The following THADA variants were observed in gnomAD, a reference collection of about 807,000 sequenced individuals.
The protein encoded by THADA is tRNA (32-2'-O)-methyltransferase regulator THADA.
THADA carries 213 observed loss-of-function variants against 219.8 expected under a neutral mutation model. The ratio of observed to expected loss-of-function variants is 0.97; its 90% confidence interval spans 0.87 to 1.09. The LOEUF (loss-of-function observed/expected upper bound fraction) is 1.09, where lower values mean the gene tolerates loss of function less well. Ranked by LOEUF, THADA falls within the 50% of genes least tolerant of loss-of-function variation. The probability of loss-of-function intolerance (pLI) is 0.00; values close to 1 mark genes in which losing one functional copy is unlikely to be tolerated. For synonymous variants in THADA, 1,018 were observed against 828.9 expected, an observed-to-expected ratio of 1.23 and a Z score of -3.92; for missense variants, 2,956 against 2,311.3, an observed-to-expected ratio of 1.28 and a Z score of -5.72.
intron 25 of THADA, among the ~76,000 whole-genome samples, chr2:43,494,158 G>GC (rs1264753810): frequency 6.6e-6 from 1 of 152,164 alleles, no homozygotes; most frequent in Non-Finnish European, 1.5e-5. Context: ...TTGTGGTAAT[G>GC]CCCCAAGGAT....
chr2:43,557,176 A>G (rs1697472876), intron 16 of THADA, among the ~76,000 whole-genome samples: 1 of 152,224 alleles, frequency 6.6e-6, no homozygotes, highest in Non-Finnish European at 1.5e-5. Flanking sequence ...CTCCCTGAAT[A>G]TAGGTGAGTT....
At chr2:43,432,694 G>C (rs193155890) in intron 26 of THADA, among the ~76,000 whole-genome samples, 1 of 152,048 alleles carries the variant, frequency 6.6e-6, no homozygotes, top group Admixed American at 6.5e-5. Context: ...CTGTTGTTTT[G>C]TTTTTCCTTC....
chr2:43,563,764 T>C (rs185263369), intron 15 of THADA: 1 of 152,314 alleles, frequency 6.6e-6, no homozygotes, highest in East Asian at 1.9e-4. Flanking sequence ...ATTTGACTAA[T>C]CTCAAATCAG....
At chr2:43,583,909 G>A (rs1269988864) in intron 7 of THADA, among the ~76,000 whole-genome samples, 3 of 151,806 alleles carry the variant, frequency 2.0e-5, no homozygotes, top group South Asian at 2.1e-4. Context: ...GCATAGTGGC[G>A]GACGTCTGTG....
At chr2:43,578,416 G>A in intron 9 of THADA, 97 bp downstream of exon 9, 1 of 833,372 alleles carries the variant, frequency 1.2e-6, no homozygotes, top group Admixed American at 2.6e-5. Flanking sequence ...CAAAGTGTTG[G>A]GATTATAAGT....
At chr2:43,360,096 T>C (rs1669337489) in intron 29 of THADA, among the ~76,000 whole-genome samples, 1 of 152,210 alleles carries the variant, frequency 6.6e-6, no homozygotes, top group South Asian at 2.1e-4. Context: ...TACTCATCCA[T>C]TCAGGCTCAG....
At chr2:43,435,432 C>G (rs1679948223) in intron 26 of THADA, among the ~76,000 whole-genome samples, 1 of 142,174 alleles carries the variant, frequency 7.0e-6, no homozygotes, top group Non-Finnish European at 1.5e-5. Context: ...GCATTCCAAC[C>G]TGGGCAACAA....
intron 31 of THADA, among the ~76,000 whole-genome samples, chr2:43,299,957 C>T (rs573827791): frequency 2.0e-5 from 3 of 147,664 alleles, no homozygotes; most frequent in East Asian, 2.1e-4. Flanking sequence ...GAACCTGTGA[C>T]GCGGAGGTAG....
chr2:43,487,644 C>T (rs7569886), intron 25 of THADA, among the ~76,000 whole-genome samples: 4,454 of 152,212 alleles, frequency 0.029, 139 homozygotes, highest in African/African-American at 0.079. Context: ...GGTGGAGGCC[C>T]TTGGGAAATA....
intron 28 of THADA, among the ~76,000 whole-genome samples, chr2:43,398,509 G>A (rs921424996): frequency 6.6e-6 from 1 of 152,148 alleles, no homozygotes; most frequent in Admixed American, 6.5e-5. Flanking sequence ...TGTCTTTGAA[G>A]AGCCCATACT....
chr2:43,239,720 G>C (rs190498285), intron 36 of THADA, among the ~76,000 whole-genome samples: 63 of 152,348 alleles, frequency 4.1e-4, no homozygotes, highest in Admixed American at 2.1e-3. Context: ...TAAATGCTGT[G>C]CAAATGGCAA....
chr2:43,441,930 G>A (rs760722435), intron 26 of THADA, among the ~76,000 whole-genome samples: 1 of 152,118 alleles, frequency 6.6e-6, no homozygotes, highest in Non-Finnish European at 1.5e-5. Flanking sequence ...CATGTTGGGC[G>A]CAATCCTATG....
intron 36 of THADA, chr2:43,233,375 C>A (rs1549723): frequency 0.27 from 42,117 of 153,276 alleles, 7,423 homozygotes; most frequent in African/African-American, 0.5. Flanking sequence ...TACCTCCTCA[C>A]CTCGGCTGAA....
At chr2:43,513,057 T>G (rs1211813327) in intron 22 of THADA, among the ~76,000 whole-genome samples, 1 of 152,202 alleles carries the variant, frequency 6.6e-6, no homozygotes, top group Non-Finnish European at 1.5e-5. Flanking sequence ...CTCTGCTACC[T>G]AGTAGCTGTA....
intron 36 of THADA, among the ~76,000 whole-genome samples, chr2:43,263,742 A>G (rs946748897): frequency 1.3e-5 from 2 of 152,152 alleles, no homozygotes; most frequent in Admixed American, 6.5e-5. Context: ...ATACTTATTT[A>G]TTTTTAAGTT....
intron 8 of THADA, among the ~76,000 whole-genome samples, 161 bp downstream of exon 8, chr2:43,581,580 C>T (rs1019614641): frequency 1.3e-5 from 2 of 149,416 alleles, no homozygotes; most frequent in African/African-American, 2.5e-5. Context: ...AAAAAAAAAC[C>T]ATGTAGTCCA....
At chr2:43,307,044 T>C (rs1242341004) in intron 31 of THADA, among the ~76,000 whole-genome samples, 1 of 152,210 alleles carries the variant, frequency 6.6e-6, no homozygotes, top group Non-Finnish European at 1.5e-5. Context: ...TGCTTCTGTC[T>C]ATGAAAGATT....
At chr2:43,362,437 C>G (rs982673841) in intron 29 of THADA, among the ~76,000 whole-genome samples, 5 of 152,090 alleles carry the variant, frequency 3.3e-5, no homozygotes, top group Non-Finnish European at 7.4e-5. Flanking sequence ...ATACGGTAGA[C>G]AACTATAACA....
At chr2:43,349,199 G>A (rs756472202) in intron 29 of THADA, among the ~76,000 whole-genome samples, 4 of 152,202 alleles carry the variant, frequency 2.6e-5, no homozygotes, top group Non-Finnish European at 5.9e-5. Flanking sequence ...GCAGGAGGGT[G>A]TCAGTGAGTA....
Sources: allele counts gnomAD v4.1 joint callset (sites outside exome capture counted in the v4.1 genomes callset), GRCh38; gene constraint gnomAD v4.1.1; transcripts MANE v1.5; gene names NCBI Gene and HGNC (gene_info 2026-07-23, HGNC 2026-07-21).